Variants in TENM2 observed in about 807,000 individuals in gnomAD.
TENM2 encodes the protein teneurin transmembrane protein 2.
TENM2 carries 52 observed loss-of-function variants against 245.2 expected under a neutral mutation model. The observed-to-expected ratio is 0.21, with a 90% CI of 0.17 to 0.27. The LOEUF is 0.27. Ranked by LOEUF, TENM2 falls within the 10% of genes least tolerant of loss-of-function variation. The pLI is 1.00. For synonymous variants in TENM2, 1,363 were observed against 1,438.9 expected (o/e 0.95, Z 1.19); for missense variants, 3,046 against 3,666.8 (o/e 0.83, Z 4.37).
chr5:167,421,698 A>C (rs1267899345), intron 2 of TENM2, among the ~76,000 whole-genome samples: 2 of 152,214 alleles, frequency 1.3e-5, no homozygotes, highest in African/African-American at 4.8e-5. Flanking sequence ...TAAAATAGAC[A>C]ATAGGAACAT....
chr5:167,395,000 G>T (rs1268961563), intron 2 of TENM2, among the ~76,000 whole-genome samples: 1 of 152,034 alleles, frequency 6.6e-6, no homozygotes, highest in Admixed American at 6.6e-5. Flanking sequence ...GTGGATTTTA[G>T]GATTATTTGT....
At chr5:168,165,637 T>A (rs1276685831) in intron 13 of TENM2, among the ~76,000 whole-genome samples, 39 of 22,576 alleles carry the variant, frequency 1.7e-3, no homozygotes, top group East Asian at 0.011. Context: ...CAATTCAGGA[T>A]CCCCCCCCCA....
At chr5:167,466,477 T>C (rs1736139393) in intron 2 of TENM2, among the ~76,000 whole-genome samples, 1 of 152,214 alleles carries the variant, frequency 6.6e-6, no homozygotes, top group Non-Finnish European at 1.5e-5. Flanking sequence ...ATGAAACAAA[T>C]TTATGTGTGC....
At chr5:167,359,515 T>A (rs938400558) in intron 1 of TENM2, among the ~76,000 whole-genome samples, 1 of 152,146 alleles carries the variant, frequency 6.6e-6, no homozygotes, top group Non-Finnish European at 1.5e-5. Flanking sequence ...ACTTTCTATT[T>A]TTTTTTTCTT....
At chr5:167,276,350 TTTTGTGTGTG>T in the TENM2 span, among the ~76,000 whole-genome samples, 3,836 of 143,520 alleles carry the variant, frequency 0.027, 70 homozygotes, top group East Asian at 0.072. Context: ...AGCCTGTTCA[TTTTGTGTGTG>T]TGTGTGTGTG....
intron 3 of TENM2, among the ~76,000 whole-genome samples, chr5:167,878,276 T>C (rs1773591934): frequency 6.6e-6 from 1 of 152,178 alleles, no homozygotes; most frequent in Admixed American, 6.5e-5. Context: ...CCATTTTTCG[T>C]CACTCACACC....
At chr5:167,820,264 G>A (rs1407460928) in intron 2 of TENM2, among the ~76,000 whole-genome samples, 1 of 152,192 alleles carries the variant, frequency 6.6e-6, no homozygotes, top group Non-Finnish European at 1.5e-5. Flanking sequence ...ATATATGTGG[G>A]AACAGTTTAA....
At chr5:167,636,961 A>G (rs1351559803) in intron 2 of TENM2, among the ~76,000 whole-genome samples, 1 of 152,206 alleles carries the variant, frequency 6.6e-6, no homozygotes, top group Non-Finnish European at 1.5e-5. Context: ...GGCTGGACTC[A>G]GAACCCAGAA....
chr5:168,027,468 T>C (rs1025182592), intron 5 of TENM2, among the ~76,000 whole-genome samples: 3 of 152,194 alleles, frequency 2.0e-5, no homozygotes, highest in African/African-American at 7.2e-5. Context: ...AGTGCTCAGC[T>C]CCAAATCTTG....
At chr5:168,048,315 T>A (rs2152041114) in intron 6 of TENM2, among the ~76,000 whole-genome samples, 1 of 152,272 alleles carries the variant, frequency 6.6e-6, no homozygotes, top group Non-Finnish European at 1.5e-5. Context: ...ATATGCTTAA[T>A]TCGGGATGGA....
intron 2 of TENM2, among the ~76,000 whole-genome samples, chr5:167,518,480 C>G (rs577960970): frequency 6.6e-6 from 1 of 152,240 alleles, no homozygotes; most frequent in East Asian, 1.9e-4. Flanking sequence ...TTTTGTAAGT[C>G]AAAACAATTG....
chr5:167,613,452 C>T (rs1019481733), intron 2 of TENM2, among the ~76,000 whole-genome samples: 4 of 152,086 alleles, frequency 2.6e-5, no homozygotes, highest in Non-Finnish European at 5.9e-5. Flanking sequence ...TTATTGTGTC[C>T]AGAATTAACC....
At chr5:168,213,351 G>C (rs1442286935) in intron 20 of TENM2, among the ~76,000 whole-genome samples, 1 of 152,160 alleles carries the variant, frequency 6.6e-6, no homozygotes, top group African/African-American at 2.4e-5. Context: ...CCTAAAAATA[G>C]CTTCCTAGTT....
the TENM2 span, among the ~76,000 whole-genome samples, chr5:167,207,095 G>A: frequency 1.3e-5 from 2 of 151,832 alleles, no homozygotes; most frequent in Non-Finnish European, 2.9e-5. Flanking sequence ...TGCAGTAGCT[G>A]ACTGTGAACC....
chr5:167,145,745 T>A, the TENM2 span, among the ~76,000 whole-genome samples: 1 of 152,176 alleles, frequency 6.6e-6, no homozygotes, highest in East Asian at 1.9e-4. Context: ...ACAATGCCAA[T>A]GGGACTGAAA....
At chr5:167,646,169 G>T (rs1434344044) in intron 2 of TENM2, among the ~76,000 whole-genome samples, 2 of 30,426 alleles carry the variant, frequency 6.6e-5, no homozygotes, top group South Asian at 5.7e-4. Flanking sequence ...ATATATATAT[G>T]TTGTTTTCAT....
the TENM2 span, among the ~76,000 whole-genome samples, chr5:167,168,605 T>G: frequency 1.3e-5 from 2 of 152,252 alleles, no homozygotes; most frequent in Non-Finnish European, 2.9e-5. Context: ...TAAGGCTTTG[T>G]GCGTTGTTTT....
chr5:167,174,874 C>CT, the TENM2 span, among the ~76,000 whole-genome samples: 1,473 of 142,490 alleles, frequency 0.01, 17 homozygotes, highest in African/African-American at 0.028. Context: ...ATATATTCAA[C>CT]TTTTTTTTTT....
intron 2 of TENM2, among the ~76,000 whole-genome samples, chr5:167,629,408 C>T (rs948495392): frequency 1.3e-5 from 2 of 152,182 alleles, no homozygotes; most frequent in Non-Finnish European, 2.9e-5. Context: ...TCTGTAAATG[C>T]TATTCATTAA....
Sources: allele counts gnomAD v4.1 joint callset (sites outside exome capture counted in the v4.1 genomes callset), GRCh38; gene constraint gnomAD v4.1.1; transcripts MANE v1.5; gene names NCBI Gene and HGNC (gene_info 2026-07-23, HGNC 2026-07-21).